The following CSMD1 variants were observed in gnomAD, a reference collection of about 807,000 sequenced individuals.
The protein encoded by CSMD1 is CUB and sushi domain-containing protein 1.
In CSMD1, 213 loss-of-function variants were observed where a neutral mutation model predicts 417.5. The observed-to-expected ratio is 0.51, with a 90% CI of 0.46 to 0.57. The LOEUF (loss-of-function observed/expected upper bound fraction) is 0.57, where lower values mean the gene tolerates loss of function less well. Among genes scored for constraint, CSMD1 ranks in the 20% least tolerant of loss-of-function variants. The pLI is 0.00. For synonymous variants in CSMD1, 2,862 were observed against 1,736.8 expected, an observed-to-expected ratio of 1.65 and a Z score of -16.11; for missense variants, 6,923 against 4,529.7, an observed-to-expected ratio of 1.53 and a Z score of -15.17.
chr8:4,703,213 C>G (rs977388307), intron 1 of CSMD1, among the ~76,000 whole-genome samples: 1 of 152,148 alleles, frequency 6.6e-6, no homozygotes, highest in Non-Finnish European at 1.5e-5. Flanking sequence ...GATGCTATAG[C>G]TCATACAGTG....
At chr8:4,515,383 T>C (rs1389128064) in intron 2 of CSMD1, among the ~76,000 whole-genome samples, 1 of 152,156 alleles carries the variant, frequency 6.6e-6, no homozygotes, top group Admixed American at 6.5e-5. Context: ...AGATGTTAAA[T>C]GTTATGGGAC....
Position 2,936,829 on chromosome 8 carries a change from A to C in CSMD1, c.*1756T>G, listed in dbSNP as rs900645848. 2.6e-5 allele frequency: 4 copies of C among 152,204 alleles called. No homozygotes were observed. The highest frequency in any genetic ancestry group is 9.7e-5 in the African/African-American group (4 of 41,446). 9.4% of individuals were successfully genotyped at this position (152,204 alleles called of 1,614,324 possible). A position where few individuals can be genotyped will look rare whatever the true frequency, so the allele number is the denominator to read the frequency against. ...TTTCCTTTTCCACATTTGAAGTCCT[A>C]CATGGAAACCTTCAGTACACCAACA... On this transcript the variant is annotated 3_prime_UTR_variant, in exon 70 of 70. Transcript: ENST00000635120.
intron 1 of CSMD1, among the ~76,000 whole-genome samples, chr8:4,758,832 G>C (rs1420977580): frequency 7.2e-5 from 11 of 152,104 alleles, no homozygotes; most frequent in Non-Finnish European, 1.6e-4. Flanking sequence ...CCTCCCACCA[G>C]GTCTCTCCCT....
intron 3 of CSMD1, among the ~76,000 whole-genome samples, chr8:4,374,121 T>C (rs1352796876): frequency 6.6e-6 from 1 of 152,168 alleles, no homozygotes; most frequent in Non-Finnish European, 1.5e-5. Context: ...CCTGCCATTT[T>C]ATTGACCCAT....
intron 49 of CSMD1, among the ~76,000 whole-genome samples, chr8:3,066,621 A>G (rs752480421): frequency 6.6e-6 from 1 of 152,250 alleles, no homozygotes; most frequent in Non-Finnish European, 1.5e-5. Flanking sequence ...TAATAGCTTT[A>G]GTAAAACAAT....
At position 3,731,437 on chromosome 8, in the gene CSMD1, A is replaced by C. The variant is rs190329294; in HGVS notation, c.931+22493T>G. Among the ~76,000 whole-genome samples the C allele has an allele frequency of 3.9e-5, 6 of 152,326 alleles. No homozygotes were observed. In the East Asian group the frequency reaches 1.2e-3, roughly 29 times the overall value. ...GGATTCTTTACCTGGCATGGTCATG[A>C]TAATGACTACCAGTTTTAACCCCTT... On this transcript the variant is annotated intron_variant, in intron 6 of 69. Coordinates refer to ENST00000635120, the MANE Select transcript of CSMD1 (RefSeq NM_033225.6).
At chr8:4,512,747 A>T (rs1386120271) in intron 2 of CSMD1, among the ~76,000 whole-genome samples, 1 of 151,952 alleles carries the variant, frequency 6.6e-6, no homozygotes, top group Admixed American at 6.6e-5. Flanking sequence ...TACAAAATGT[A>T]TATGAAGAAC....
rs182792803 is a variant in CSMD1 at position 3,509,450 on chromosome 8, G to C, written c.1345-15724C>G. 2.6e-3 allele frequency among the ~76,000 whole-genome samples: 391 copies of C among 152,198 alleles called. 1 individual carries two copies. The highest frequency in any genetic ancestry group is 9.2e-3 in the African/African-American group (381 of 41,524). On this transcript the variant is annotated intron_variant, in intron 10 of 69. Coordinates refer to ENST00000635120, the MANE Select transcript of CSMD1 (RefSeq NM_033225.6). The stretch of plus-strand genomic sequence containing the variant: ...TGTTTTGGTGATTCTGCCTTCTATA[G>C]GCAAGGAGTCTTGCACAAGTCGTTG...
rs553489192 is a variant in CSMD1, at chr8:4,786,642, T to C, written c.86-149084A>G. ...CTTGAATCTCTCTCTGATCTGAGCC[T>C]GAATCCAATCTAGAATACGTTCTTT... On this transcript the variant is annotated intron_variant, in intron 1 of 69. Coordinates refer to ENST00000635120, the MANE Select transcript of CSMD1 (RefSeq NM_033225.6). 3.9e-5 allele frequency among the ~76,000 whole-genome samples: 6 copies of C among 152,354 alleles called. No homozygotes were observed. The South Asian group carries it at 1.2e-3, about 32-fold the overall frequency.
chr8:4,228,169 C>T (rs68169693), intron 3 of CSMD1, among the ~76,000 whole-genome samples: 2 of 152,144 alleles, frequency 1.3e-5, no homozygotes, highest in African/African-American at 2.4e-5. Flanking sequence ...GGAAACACCC[C>T]CTCCACCCTG....
chr8:3,563,442 T>TAAAAAAAAA (rs60108067), intron 10 of CSMD1, among the ~76,000 whole-genome samples: 24 of 62,728 alleles, frequency 3.8e-4, no homozygotes, highest in African/African-American at 5.4e-4. Flanking sequence ...TATTAAAAGG[T>TAAAAAAAAA]AAAAAAAAAA....
intron 2 of CSMD1, among the ~76,000 whole-genome samples, chr8:4,604,209 AC>A (rs1800745841): frequency 6.6e-6 from 1 of 152,042 alleles, no homozygotes; most frequent in African/African-American, 2.4e-5. Context: ...CAAGTACTCT[AC>A]CCCTAAGCCT....
At chr8:3,051,202 G>C (rs141617361) in intron 50 of CSMD1, among the ~76,000 whole-genome samples, 66 of 152,302 alleles carry the variant, frequency 4.3e-4, no homozygotes, top group African/African-American at 1.5e-3. Context: ...CAACCCAAAT[G>C]CCCATCAGTG....
At position 3,431,400 on chromosome 8, in the gene CSMD1, C is replaced by T. The variant is rs141263009; in HGVS notation, c.1562-21795G>A. Among the ~76,000 whole-genome samples, 19 of 152,208 alleles carry T rather than the reference C, an allele frequency of 1.2e-4. No homozygotes were observed. In the East Asian group the frequency reaches 3.7e-3, roughly 29 times the overall value. On this transcript the variant is annotated intron_variant, in intron 12 of 69. Transcript: ENST00000635120. ...CCACTAGGCAGTTGCTTTAGTGTGC[C>T]GCTTTTGTATTCCCAGTTTGTCTTT...
intron 3 of CSMD1, among the ~76,000 whole-genome samples, chr8:4,044,693 G>GATGCATAGCACC (rs1563357675): frequency 2.6e-5 from 4 of 151,880 alleles, no homozygotes; most frequent in Non-Finnish European, 5.9e-5. Flanking sequence ...TACAATCCTG[G>GATGCATAGCACC]CTGCGTACAA....
intron 1 of CSMD1, among the ~76,000 whole-genome samples, chr8:4,745,680 T>G (rs186123896): frequency 6.6e-6 from 1 of 152,306 alleles, no homozygotes; most frequent in East Asian, 1.9e-4. Flanking sequence ...GATTTTAAGC[T>G]TTCACAATTC....
intron 5 of CSMD1, among the ~76,000 whole-genome samples, chr8:3,880,259 G>A (rs1806120818): frequency 6.6e-6 from 1 of 152,092 alleles, no homozygotes; most frequent in Non-Finnish European, 1.5e-5. Flanking sequence ...TAACATTCAT[G>A]AGAACTCAAA....
At chr8:3,926,882 A>C (rs1809771280) in intron 5 of CSMD1, among the ~76,000 whole-genome samples, 1 of 151,632 alleles carries the variant, frequency 6.6e-6, no homozygotes. Context: ...CACCCAGCTA[A>C]GTTTTGTATT....
At chr8:3,137,030 C>T (rs966444937) in intron 41 of CSMD1, among the ~76,000 whole-genome samples, 2 of 151,950 alleles carry the variant, frequency 1.3e-5, no homozygotes, top group African/African-American at 4.8e-5. Flanking sequence ...TACATATAAT[C>T]TAAGTGATCA....
Sources: allele counts gnomAD v4.1 joint callset (sites outside exome capture counted in the v4.1 genomes callset), GRCh38; gene constraint gnomAD v4.1.1; transcripts MANE v1.5; gene names NCBI Gene and HGNC (gene_info 2026-07-23, HGNC 2026-07-21).